Variants in NBPF11 observed in about 807,000 individuals in gnomAD.
NBPF11 encodes the protein NBPF family member NBPF11.
A neutral mutation model predicts 93.9 loss-of-function variants in NBPF11; 72 were observed. That is an observed-to-expected ratio of 0.77 (90% CI 0.63 to 0.93). The LOEUF (loss-of-function observed/expected upper bound fraction) is 0.93. Ranked by LOEUF, NBPF11 falls within the 40% of genes least tolerant of loss-of-function variation. The pLI is 0.00. For synonymous variants in NBPF11, 224 were observed against 304.9 expected (o/e 0.73, Z 2.76); for missense variants, 705 against 802.2 (o/e 0.88, Z 1.46).
At chr1:148,149,916 G>A (rs1415723878) in intron 1 of NBPF11, among the ~76,000 whole-genome samples, 1 of 151,726 alleles carries the variant, frequency 6.6e-6, no homozygotes, top group Non-Finnish European at 1.5e-5. Context: ...GCACCTCTAC[G>A]AGAATAACAA....
chr1:148,112,304 T>TC (rs1260075587), intron 15 of NBPF11, among the ~76,000 whole-genome samples: 1 of 84,226 alleles, frequency 1.2e-5, no homozygotes, highest in African/African-American at 4.9e-5. Context: ...CCCTCCTCCC[T>TC]CCCCCCACCC....
At chr1:148,119,696 C>T (rs1256934905) in intron 10 of NBPF11, among the ~76,000 whole-genome samples, 77 of 152,054 alleles carry the variant, frequency 5.1e-4, no homozygotes, top group African/African-American at 1.9e-3. Flanking sequence ...TGCCCTGTCA[C>T]CCAGGCTGGA....
intron 2 of NBPF11, among the ~76,000 whole-genome samples, chr1:148,141,129 G>A (rs1227753776): frequency 6.6e-6 from 1 of 151,876 alleles, no homozygotes. Flanking sequence ...ACGATGAGTG[G>A]TTGTCAGGGG....
chr1:148,139,320 GC>G (rs1250753361), intron 2 of NBPF11, among the ~76,000 whole-genome samples: 1 of 144,412 alleles, frequency 6.9e-6, no homozygotes, highest in African/African-American at 2.7e-5. Context: ...TCCCTAGAAT[GC>G]AATCTCTTCT....
chr1:148,126,697 A>C, intron 5 of NBPF11, 132 bp downstream of exon 5: 2 of 652,638 alleles, frequency 3.1e-6, no homozygotes, highest in Admixed American at 5.0e-5. Context: ...CTGTCTTCCA[A>C]CTTTAACAAA....
At chr1:148,146,595 G>A in intron 1 of NBPF11, 1 of 1,609,682 alleles carries the variant, frequency 6.2e-7, no homozygotes, top group African/African-American at 1.3e-5. Context: ...GGCGCTGGAA[G>A]CTGCACCTGA....
intron 1 of NBPF11, chr1:148,146,376 G>T (rs1673073739): frequency 1.3e-6 from 2 of 1,561,096 alleles, no homozygotes; most frequent in Non-Finnish European, 1.7e-6. Context: ...GTGGAGGCCC[G>T]GCCCGGGCGG....
chr1:148,142,025 G>A (rs1157840879), intron 2 of NBPF11, among the ~76,000 whole-genome samples: 12 of 140,946 alleles, frequency 8.5e-5, no homozygotes, highest in African/African-American at 3.2e-4. Context: ...AGGAAGGAAG[G>A]AAGGGAGGGA....
intron 7 of NBPF11, 27 bp from the exon 8 acceptor site, chr1:148,122,828 T>G: frequency 1.2e-6 from 2 of 1,609,452 alleles, no homozygotes; most frequent in South Asian, 2.2e-5. Flanking sequence ...TTCGTTCAGA[T>G]ATTTCCCACT....
At chr1:148,119,960 C>T (rs1667451439) in intron 10 of NBPF11, among the ~76,000 whole-genome samples, 2 of 127,068 alleles carry the variant, frequency 1.6e-5, no homozygotes, top group African/African-American at 5.3e-5. Flanking sequence ...GGCCCCTACT[C>T]CCTGCTCTTG....
At chr1:148,136,942 G>C (rs1671391368) in intron 3 of NBPF11, among the ~76,000 whole-genome samples, 1 of 151,894 alleles carries the variant, frequency 6.6e-6, no homozygotes, top group Admixed American at 6.5e-5. Context: ...TTGAACTAAT[G>C]CTTTAATGAC....
At chr1:148,104,102 C>CAG (rs1193776076) in intron 23 of NBPF11, among the ~76,000 whole-genome samples, 190 bp from the exon 24 acceptor site, 16 of 139,860 alleles carry the variant, frequency 1.1e-4, no homozygotes, top group South Asian at 2.3e-4. Flanking sequence ...AAGAGAAAGA[C>CAG]AGAGAGAGAG....
chr1:148,135,833 A>C lies in NBPF11; in HGVS notation c.-177-20T>G, dbSNP rs1363641507. 6.4e-3 allele frequency: 4,509 copies of C among 703,964 alleles called. 192 individuals are homozygous for C. In the African/African-American group the frequency reaches 0.07, roughly 11 times the overall value. 43.6% of individuals were successfully genotyped at this position (703,964 alleles called of 1,614,324 possible). On this transcript the variant is annotated intron_variant, in intron 3 of 23. Transcript: ENST00000682118. ...CAAGGGCTACCAAGAAGAAACAAAT[A>C]ATTTATTTACCTCCCCAGAGGAAAA...
chr1:148,132,144 G>GTGTGTC lies in NBPF11; in HGVS notation c.-36+3527_-36+3528insGACACA, dbSNP rs1392331503. Among the ~76,000 whole-genome samples, 6 of 137,630 alleles carry GTGTGTC rather than the reference G, an allele frequency of 4.4e-5. No homozygotes were observed. The East Asian group carries it at 1.3e-3, about 30-fold the overall frequency. 90.3% of individuals were successfully genotyped at this position (137,630 alleles called of 152,430 possible). A position where few individuals can be genotyped will look rare whatever the true frequency, so the allele number is the denominator to read the frequency against. ...CTGCAATATATATATGTGTGTGTGTGTATATATATATATATATATTCCCTA... is the reference window on the plus strand; with the variant it reads ...CTGCAATATATATATGTGTGTGTGTGTGTGTCTATATATATATATATATATTCCCTA... On this transcript the variant is annotated intron_variant, in intron 4 of 23. Transcript: ENST00000682118.
intron 7 of NBPF11, 111 bp from the exon 8 acceptor site, chr1:148,122,912 G>C: frequency 6.3e-7 from 1 of 1,588,268 alleles, no homozygotes; most frequent in Non-Finnish European, 8.6e-7. Flanking sequence ...GCATTGTACT[G>C]AAAACTCTCA....
At chr1:148,143,855 C>T (rs1424219467) in intron 1 of NBPF11, among the ~76,000 whole-genome samples, 169 bp from the exon 2 acceptor site, 4 of 150,030 alleles carry the variant, frequency 2.7e-5, no homozygotes, top group Non-Finnish European at 4.4e-5. Context: ...ATCAACAGTC[C>T]TCACCAGCCT....
chr1:148,146,800 T>G (rs1673189157), intron 1 of NBPF11: 1 of 1,612,628 alleles, frequency 6.2e-7, no homozygotes, highest in Admixed American at 1.7e-5. Context: ...TGGCCTGGGC[T>G]CCCGCCTCCA....
intron 1 of NBPF11, among the ~76,000 whole-genome samples, chr1:148,150,878 C>A (rs1648131612): frequency 6.6e-6 from 1 of 151,758 alleles, no homozygotes; most frequent in Admixed American, 6.6e-5. Context: ...CAGGCACCTG[C>A]CACCATGCCC....
In NBPF11 at chr1:148,127,092, A is replaced by C. The variant is rs1553273375; in HGVS notation, c.-35-54T>G. On this transcript the variant is annotated intron_variant, in intron 4 of 23. Coordinates refer to ENST00000682118, the MANE Select transcript of NBPF11 (RefSeq NM_001385469.3). ...GGGTTAAAAACTGGTGAAATCAAAT[A>C]GGTTTAATCAGGACTGAGGGATGTC... The C allele has an allele frequency of 2.0e-3, 965 of 494,028 alleles. 19 individuals are homozygous for C. In the African/African-American group the frequency reaches 0.032, roughly 17 times the overall value. 30.6% of individuals were successfully genotyped at this position (494,028 alleles called of 1,614,324 possible).
Sources: gnomAD v4.1 joint callset for allele counts (sites outside exome capture counted in the v4.1 genomes callset) on GRCh38, gnomAD v4.1.1 for gene constraint, MANE v1.5 for transcripts, NCBI Gene and HGNC (gene_info 2026-07-23, HGNC 2026-07-21) for gene names.